CAMTA1: variants seen among roughly 807,000 people sequenced by gnomAD.
The protein encoded by CAMTA1 is calmodulin-binding transcription activator 1.
A neutral mutation model predicts 170.9 loss-of-function variants in CAMTA1; 27 were observed. The observed-to-expected ratio is 0.16, with a 90% confidence interval of 0.12 to 0.22. The LOEUF is 0.22. CAMTA1 is among the 10% of genes least tolerant of loss of function. CAMTA1 has a pLI of 1.00. For missense variants in CAMTA1, 1,619 were observed against 2,217.2 expected (o/e 0.73, Z 5.42); for synonymous variants, 833 against 891.5 (o/e 0.93, Z 1.17).
rs979961752 is a variant in CAMTA1, at chr1:7,732,739, G to A, written c.3066+140G>A. On this transcript the variant is annotated intron_variant, in intron 12 of 22. Coordinates refer to ENST00000303635, the MANE Select transcript of CAMTA1 (RefSeq NM_015215.4). The surrounding 1 kb of genome is among the most constrained non-coding windows in gnomAD (Gnocchi z 4.1). Reference sequence around the variant, plus strand: ...CAGAAGGCCTGAGGGAGTACTTTACGGTACCTGTGCTTTTAAGCATTATAA... The same window carrying A: ...CAGAAGGCCTGAGGGAGTACTTTACAGTACCTGTGCTTTTAAGCATTATAA... 9 of 1,220,846 alleles carry A rather than the reference G, an allele frequency of 7.4e-6. No homozygotes were observed. Among genetic ancestry groups the A allele is most frequent in the East Asian group, 2.6e-5 (1 of 38,418 alleles). 75.6% of individuals were successfully genotyped at this position (1,220,846 alleles called of 1,614,324 possible). A position where few individuals can be genotyped will look rare whatever the true frequency, so the allele number is the denominator to read the frequency against.
chr1:7,153,970 A>G (rs1025101405), intron 4 of CAMTA1, among the ~76,000 whole-genome samples: 3 of 152,166 alleles, frequency 2.0e-5, no homozygotes, highest in Non-Finnish European at 2.9e-5. Context: ...TTCCTCTGTG[A>G]TGTGGGCACA....
chr1:7,047,467 A>G (rs367549084), intron 3 of CAMTA1, among the ~76,000 whole-genome samples: 1 of 152,096 alleles, frequency 6.6e-6, no homozygotes, highest in Admixed American at 6.6e-5. Flanking sequence ...TGTCAAGTAG[A>G]TTTACATTTC....
At chr1:7,715,567 G>A (rs186780869) in intron 11 of CAMTA1, among the ~76,000 whole-genome samples, 1 of 152,184 alleles carries the variant, frequency 6.6e-6, no homozygotes, top group Admixed American at 6.5e-5. Flanking sequence ...CAAAGCGCTG[G>A]GATTACAGGT....
intron 7 of CAMTA1, among the ~76,000 whole-genome samples, chr1:7,649,289 C>G (rs868294369): frequency 9.8e-5 from 15 of 152,344 alleles, no homozygotes; most frequent in African/African-American, 3.4e-4. Context: ...GCAGCTCGGT[C>G]CCTGAGAGCA....
intron 22 of CAMTA1, among the ~76,000 whole-genome samples, chr1:7,758,807 C>A (rs577901996): frequency 6.6e-6 from 1 of 151,792 alleles, no homozygotes; most frequent in South Asian, 2.1e-4. Context: ...CGGTGGCGGG[C>A]GCCTGTAGTC....
intron 3 of CAMTA1, among the ~76,000 whole-genome samples, chr1:7,040,078 C>G (rs1704192015): frequency 6.6e-6 from 1 of 151,586 alleles, no homozygotes; most frequent in African/African-American, 2.4e-5. Context: ...TTTACAATTG[C>G]AAAGTGGCGA....
At chr1:7,527,712 C>T (rs2094446086) in intron 6 of CAMTA1, among the ~76,000 whole-genome samples, 2 of 152,192 alleles carry the variant, frequency 1.3e-5, no homozygotes, top group Non-Finnish European at 2.9e-5. Flanking sequence ...TGCCTCGACC[C>T]GGAGATAGGG....
chr1:7,069,489 G>T (rs767152486), intron 3 of CAMTA1, among the ~76,000 whole-genome samples: 54 of 152,344 alleles, frequency 3.5e-4, no homozygotes, highest in Non-Finnish European at 5.6e-4. Flanking sequence ...ATCAGTAGTT[G>T]CTGGGAGAAT....
At chr1:7,507,737 C>A (rs754912714) in intron 6 of CAMTA1, among the ~76,000 whole-genome samples, 1 of 152,206 alleles carries the variant, frequency 6.6e-6, no homozygotes, top group African/African-American at 2.4e-5. Context: ...TTGGGGCCCA[C>A]GGGCCACGTC....
chr1:7,729,572 T>C (rs1027281764), intron 11 of CAMTA1, among the ~76,000 whole-genome samples: 3 of 152,210 alleles, frequency 2.0e-5, no homozygotes, highest in African/African-American at 4.8e-5. Context: ...GAGAATATTG[T>C]CTCCTTCTGG....
intron 5 of CAMTA1, among the ~76,000 whole-genome samples, chr1:7,448,237 T>TG (rs998042812): frequency 2.0e-5 from 3 of 151,450 alleles, no homozygotes; most frequent in African/African-American, 7.3e-5. Flanking sequence ...GGACATGGAG[T>TG]GGGGGGGCTC....
Position 7,672,888 on chromosome 1 carries a change from T to C in CAMTA1, c.2779+1851T>C, listed in dbSNP as rs564842506. On this transcript the variant is annotated intron_variant, in intron 10 of 22. Transcript: ENST00000303635. ...ACCCCCTGCTGGCCCAGCCCTCCCC[T>C]CCCAGCCCCCACCTGCCTGGCTCCA... Among the ~76,000 whole-genome samples, 27 of 151,624 alleles carry C rather than the reference T, an allele frequency of 1.8e-4. 1 individual carries two copies. In the South Asian group the frequency reaches 5.2e-3, roughly 29 times the overall value.
intron 3 of CAMTA1, among the ~76,000 whole-genome samples, chr1:7,009,053 C>T: frequency 6.6e-6 from 1 of 152,256 alleles, no homozygotes; most frequent in East Asian, 1.9e-4. Flanking sequence ...CCATGCCCAG[C>T]CATGCTGCCA....
intron 6 of CAMTA1, among the ~76,000 whole-genome samples, chr1:7,493,589 T>G (rs1444897441): frequency 6.6e-6 from 1 of 151,954 alleles, no homozygotes; most frequent in Non-Finnish European, 1.5e-5. Flanking sequence ...CTTTAGATCC[T>G]TCTCTGACCT....
chr1:7,626,208 G>A (rs768250682), intron 6 of CAMTA1, among the ~76,000 whole-genome samples: 4 of 152,172 alleles, frequency 2.6e-5, no homozygotes, highest in Admixed American at 6.5e-5. Flanking sequence ...CACCATTACA[G>A]ATGCCAGAGC....
chr1:6,935,854 G>A (rs997983371), intron 3 of CAMTA1, among the ~76,000 whole-genome samples: 5 of 152,252 alleles, frequency 3.3e-5, no homozygotes, highest in East Asian at 1.9e-4. Flanking sequence ...CTGGTGGACC[G>A]TCTCCTTCAC....
chr1:7,579,533 CTTTCTTTTCT>C (rs1332631356), intron 6 of CAMTA1, among the ~76,000 whole-genome samples: 2 of 129,796 alleles, frequency 1.5e-5, no homozygotes, highest in Non-Finnish European at 3.2e-5. Flanking sequence ...CTAAGGTCCA[CTTTCTTTTCT>C]TTTCTTTTCT....
chr1:6,943,827 A>G (rs1687113092), intron 3 of CAMTA1, among the ~76,000 whole-genome samples: 1 of 146,800 alleles, frequency 6.8e-6, no homozygotes, highest in Non-Finnish European at 1.5e-5. Flanking sequence ...AGCTTGGGTG[A>G]CAGAAGGAGA....
intron 9 of CAMTA1, among the ~76,000 whole-genome samples, chr1:7,667,801 G>T (rs2096014664): frequency 6.6e-6 from 1 of 152,222 alleles, no homozygotes; most frequent in Non-Finnish European, 1.5e-5. Context: ...TTTTCCAGAA[G>T]CCCTCAATGC....
Sources: allele counts gnomAD v4.1 joint callset (sites outside exome capture counted in the v4.1 genomes callset), GRCh38; gene constraint gnomAD v4.1.1; non-coding constraint Gnocchi (gnomAD v3.1); transcripts MANE v1.5; gene names NCBI Gene and HGNC (gene_info 2026-07-23, HGNC 2026-07-21).